Variants in SPTBN2 observed in about 807,000 individuals in gnomAD.
SPTBN2 encodes the protein spectrin beta chain, non-erythrocytic 2.
A neutral mutation model predicts 284.2 loss-of-function variants in SPTBN2; 107 were observed. The ratio of observed to expected loss-of-function variants is 0.38; its 90% CI spans 0.32 to 0.44. The LOEUF (loss-of-function observed/expected upper bound fraction) is 0.44. SPTBN2 is among the 20% of genes least tolerant of loss of function. The pLI, the probability that SPTBN2 is intolerant of heterozygous loss-of-function variation, is 1.00. For synonymous variants in SPTBN2, 1,289 were observed against 1,354.8 expected (o/e 0.95, Z 1.07); for missense variants, 2,569 against 3,287.1 (o/e 0.78, Z 5.34).
At chr11:66,695,597 C>T (rs977336011) in intron 21 of SPTBN2, among the ~76,000 whole-genome samples, 1 of 152,094 alleles carries the variant, frequency 6.6e-6, no homozygotes, top group Admixed American at 6.6e-5. Flanking sequence ...AGCTGCTTTT[C>T]CTTACAAGGG....
chr11:66,686,141 A>G (rs1733105661), intron 37 of SPTBN2, 37 bp from the exon 38 acceptor site: 11 of 1,593,540 alleles, frequency 6.9e-6, no homozygotes, highest in African/African-American at 1.3e-5. Flanking sequence ...CTTCAAGGAC[A>G]CTGTGCTGAG....
At position 66,705,372 on chromosome 11, in the gene SPTBN2, G is replaced by A. The variant is rs200763531; in HGVS notation, c.1904C>T (p.Ala635Val). ...GAGCCGCCGTGATTCCTCCAGCCGG[G>A]CCCGCCGCGCCGCTGCCAACTCGCA... is the stretch of plus-strand genomic sequence containing the variant. ...ALCELAAARR[A>V]RLEESRRLWR... Residue 635 changes from alanine (A) to valine (V), a missense_variant, in exon 15 of 38, where the codon GCC becomes GTC. Around this residue, in one of 6 missense-constraint regions of SPTBN2, gnomAD observed 1,012 missense variants for 1,248.9 expected, o/e 0.81. Transcript: ENST00000533211. 3.4e-5 allele frequency: 55 copies of A among 1,612,320 alleles called. No homozygotes were observed. In the East Asian group the frequency reaches 1.2e-3, roughly 36 times the overall value.
In SPTBN2 at chr11:66,691,139, C is replaced by T; in HGVS notation, c.5565+145G>A. 2 of 1,255,012 alleles carry T rather than the reference C, an allele frequency of 1.6e-6. No homozygotes were observed. Among genetic ancestry groups the T allele is most frequent in the South Asian group, 2.0e-5 (1 of 49,044 alleles). The allele number at this position is 1,255,012 out of a possible 1,614,324, so 77.7% of individuals were successfully genotyped here. On this transcript the variant is annotated intron_variant, in intron 27 of 37. Transcript: ENST00000533211. The surrounding 1 kb of genome is among the most constrained non-coding windows in gnomAD (Gnocchi z 8.0). ...GCCAAACAGAGATGTTTTCTTGGAG[C>T]AATTTCCTCATCTCGAAATGGCCCT...
In SPTBN2 at chr11:66,710,582, T is replaced by C. The variant is rs552728519; in HGVS notation, c.1073A>G (p.Lys358Arg). ...NSYRTVEKPP[K>R]FTEKGNLEVL... ...AGGGTGGGGCCCCAGGGACACCTACTTGGGCGGCTTCTCCACGGTGCGGTA... is the reference window on the plus strand; with the variant it reads ...AGGGTGGGGCCCCAGGGACACCTACCTGGGCGGCTTCTCCACGGTGCGGTA... Residue 358 changes from lysine (K) to arginine (R), a missense_variant and splice_region_variant, in exon 10 of 38, where the codon AAG becomes AGG. By Grantham distance (26) the Lys-to-Arg change is conservative. This residue lies in a region of SPTBN2 where 304 missense variants were observed against 522.1 expected (regional missense o/e 0.58). Transcript: ENST00000533211. This position sits in a 1 kb window ranked among gnomAD's most constrained non-coding sequence, Gnocchi z 4.9. 4 of 1,613,474 alleles carry C rather than the reference T, an allele frequency of 2.5e-6. No individual in the cohort carries two copies. Among genetic ancestry groups the C allele is most frequent in the Non-Finnish European group, 2.5e-6 (3 of 1,179,806 alleles).
At chr11:66,717,053 ACACCC>A (rs1226840641) in intron 3 of SPTBN2, among the ~76,000 whole-genome samples, 1 of 152,132 alleles carries the variant, frequency 6.6e-6, no homozygotes, top group Non-Finnish European at 1.5e-5. Context: ...CAGGACATAA[ACACCC>A]CATTGCTTAG....
intron 7 of SPTBN2, among the ~76,000 whole-genome samples, 155 bp downstream of exon 7, chr11:66,713,936 C>T (rs1260177408): frequency 2.0e-5 from 3 of 152,208 alleles, no homozygotes; most frequent in East Asian, 1.9e-4. Context: ...AAGTGCTCTG[C>T]GCAGCCCTGC....
chr11:66,696,264 G>T lies in SPTBN2; in HGVS notation c.4278+13C>A, dbSNP rs779967444. ...CTGCTGTTCACCATCCCCATCAAAG[G>T]CCCACAGCACACCTGCTGCTTCTTG... is the stretch of plus-strand genomic sequence containing the variant. On this transcript the variant is annotated intron_variant, in intron 21 of 37. Coordinates refer to ENST00000533211, the MANE Select transcript of SPTBN2 (RefSeq NM_006946.4). 14 of 1,609,454 alleles carry T rather than the reference G, an allele frequency of 8.7e-6. 1 individual carries two copies. The South Asian group carries it at 1.3e-4, about 15-fold the overall frequency.
intron 18 of SPTBN2, 131 bp downstream of exon 18, chr11:66,699,275 T>C: frequency 1.5e-6 from 2 of 1,303,778 alleles, no homozygotes; most frequent in South Asian, 2.6e-5. Flanking sequence ...AACCACTTAG[T>C]TCTTCCCCTC....
Position 66,714,155 on chromosome 11 carries a change from C to T in SPTBN2, c.592G>A (p.Val198Ile), listed in dbSNP as rs1346478071. Residue 198 changes from valine (V) to isoleucine (I), a missense_variant, in exon 7 of 38, where the codon GTA becomes ATA. Coordinates refer to ENST00000533211, the MANE Select transcript of SPTBN2 (RefSeq NM_006946.4). The stretch of plus-strand genomic sequence containing the variant: ...CTCCAGCTGGTGGTGAAGTTGTGTA[C>T]ATTGACGTTGGGATAACTATAAACA... ...MKTAGYPNVN[V>I]HNFTTSWRDG... is the part of the protein sequence containing the mutation. The T allele has an allele frequency of 1.2e-6, 2 of 1,614,090 alleles. No individual in the cohort carries two copies. Among genetic ancestry groups the T allele is most frequent in the East Asian group, 4.5e-5 (2 of 44,894 alleles).
chr11:66,702,766 G>A (rs1285643318), intron 15 of SPTBN2, among the ~76,000 whole-genome samples: 2 of 151,242 alleles, frequency 1.3e-5, no homozygotes, highest in Non-Finnish European at 2.9e-5. Flanking sequence ...GTGAAACCTC[G>A]TCTCTACTAA....
rs1200024406 is a variant in SPTBN2 at position 66,682,521 on chromosome 11, C to G, written c.*3350G>C. Among the ~76,000 whole-genome samples the G allele has an allele frequency of 6.6e-6, 1 of 152,180 alleles. No individual in the cohort carries two copies. The highest frequency in any genetic ancestry group is 2.4e-5 in the African/African-American group (1 of 41,448). Reference sequence around the variant, plus strand: ...ATAGTTGAAATTCACTTTAATGATACTTTTGAAACCCAATATATCTAAAAT... The same window carrying G: ...ATAGTTGAAATTCACTTTAATGATAGTTTTGAAACCCAATATATCTAAAAT... On this transcript the variant is annotated 3_prime_UTR_variant, in exon 38 of 38. Coordinates refer to ENST00000533211, the MANE Select transcript of SPTBN2 (RefSeq NM_006946.4).
chr11:66,724,096 G>A (rs1344048517), intron 1 of SPTBN2, among the ~76,000 whole-genome samples: 7 of 152,308 alleles, frequency 4.6e-5, no homozygotes, highest in African/African-American at 1.7e-4. Flanking sequence ...CCCCAGGAGT[G>A]TTTTGCTGGG....
intron 25 of SPTBN2, 28 bp from the exon 26 acceptor site, chr11:66,692,768 G>C (rs1940647397): frequency 6.3e-7 from 1 of 1,599,798 alleles, no homozygotes; most frequent in African/African-American, 1.3e-5. Flanking sequence ...GAGGCACTGT[G>C]GGACTTAGGG....
Position 66,708,118 on chromosome 11 carries a change from A to C in SPTBN2, c.1350+23T>G. 1.9e-6 allele frequency: 3 copies of C among 1,612,916 alleles called. No individual in the cohort carries two copies. The highest frequency in any genetic ancestry group is 2.5e-6 in the Non-Finnish European group (3 of 1,179,786). On this transcript the variant is annotated intron_variant, in intron 12 of 37. Transcript: ENST00000533211. This position sits in a 1 kb window ranked among gnomAD's most constrained non-coding sequence, Gnocchi z 4.4. ...TCTCCCAGTTCTGACCAGCCTAAGC[A>C]TCCTAGGAGCCTCAAGTCCTACCTG...
In SPTBN2 at chr11:66,687,180, C is replaced by T. The variant is rs372725299; in HGVS notation, c.6723-13G>A. 46 of 1,613,338 alleles carry T rather than the reference C, an allele frequency of 2.9e-5. No homozygotes were observed. The highest frequency in any genetic ancestry group is 6.7e-5 in the African/African-American group (5 of 74,954). On this transcript the variant is annotated splice_polypyrimidine_tract_variant and intron_variant, in intron 35 of 37. Coordinates refer to ENST00000533211, the MANE Select transcript of SPTBN2 (RefSeq NM_006946.4). The surrounding 1 kb of genome is among the most constrained non-coding windows in gnomAD (Gnocchi z 5.2). ...GTTCTGCCAGGACCTGCGAGGGACGCGGTGCTGACTGGCCGGCCTCAGTGG... is the reference window on the plus strand; with the variant it reads ...GTTCTGCCAGGACCTGCGAGGGACGTGGTGCTGACTGGCCGGCCTCAGTGG...
chr11:66,696,368 T>C lies in SPTBN2; in HGVS notation c.4187A>G (p.Glu1396Gly), dbSNP rs1265287818. The change falls in exon 21 of 38, where the codon GAG (glutamate) becomes GGG (glycine). Residue 1396 changes from glutamate to glycine, a missense_variant. Glu to Gly is a moderately conservative substitution (Grantham distance 98, BLOSUM62 -2). Coordinates refer to ENST00000533211, the MANE Select transcript of SPTBN2 (RefSeq NM_006946.4). ...GGCCTGCAGGCTCTCCAGCCAGCTC[T>C]CCAGGGCACAGCAGCTCTGGGCAAA... The part of the protein sequence containing the change: ...ELFAQSCCAL[E>G]SWLESLQAQL... The C allele has an allele frequency of 6.8e-6, 11 of 1,613,458 alleles. No individual in the cohort carries two copies. Among genetic ancestry groups the C allele is most frequent in the Non-Finnish European group, 6.8e-6 (8 of 1,180,030 alleles).
chr11:66,722,539 G>A (rs1323102328), intron 1 of SPTBN2, among the ~76,000 whole-genome samples: 1 of 131,276 alleles, frequency 7.6e-6, no homozygotes, highest in Non-Finnish European at 1.5e-5. Context: ...TCTCGCCATT[G>A]CACTCCAGCC....
Position 66,691,678 on chromosome 11 carries a change from G to T in SPTBN2, c.5191-20C>A, listed in dbSNP as rs370530769. 4 of 1,613,026 alleles carry T rather than the reference G, an allele frequency of 2.5e-6. No homozygotes were observed. The highest frequency in any genetic ancestry group is 3.4e-6 in the Non-Finnish European group (4 of 1,180,024). On this transcript the variant is annotated intron_variant, in intron 26 of 37. Transcript: ENST00000533211. The surrounding 1 kb of genome is among the most constrained non-coding windows in gnomAD (Gnocchi z 8.0). The stretch of plus-strand genomic sequence containing the variant: ...GAGCATCTGGTAGAGGAAGCAGATG[G>T]ACAGACCATGCCGTGATGTTAGGGG...
Position 66,687,461 on chromosome 11 carries a change from CCTG to C in SPTBN2, c.6685_6687del (p.Gln2229del). 6.2e-7 allele frequency: 1 copy of C among 1,609,196 alleles called. No individual in the cohort carries two copies. The highest frequency in any genetic ancestry group is 8.5e-7 in the Non-Finnish European group (1 of 1,179,984). On this transcript the variant is annotated inframe_deletion, in exon 35 of 38. Coordinates refer to ENST00000533211, the MANE Select transcript of SPTBN2 (RefSeq NM_006946.4). The surrounding 1 kb of genome is among the most constrained non-coding windows in gnomAD (Gnocchi z 5.2). ...GCCTTCTTCCCGAAGGCCTCCATCTCCTGCTTGCGGCACAGCATCCCCTCCATC... is the reference window on the plus strand; with the variant it reads ...GCCTTCTTCCCGAAGGCCTCCATCTCCTTGCGGCACAGCATCCCCTCCATC...
Sources: allele counts gnomAD v4.1 joint callset (sites outside exome capture counted in the v4.1 genomes callset), GRCh38; gene constraint gnomAD v4.1.1; regional missense constraint gnomAD v4.1.1; non-coding constraint Gnocchi (gnomAD v3.1); transcripts MANE v1.5; gene names NCBI Gene and HGNC (gene_info 2026-07-23, HGNC 2026-07-21).